The following CTNNBL1 variants were observed in gnomAD, a reference collection of about 807,000 sequenced individuals.
CTNNBL1 encodes the protein beta-catenin-like protein 1.
In CTNNBL1, 31 loss-of-function variants were observed where a neutral mutation model predicts 72.7. The observed-to-expected ratio is 0.43, with a 90% confidence interval of 0.32 to 0.58. The LOEUF (loss-of-function observed/expected upper bound fraction) is 0.58. CTNNBL1 is among the 20% of genes least tolerant of loss of function. The pLI is 0.08. For synonymous variants in CTNNBL1, 240 were observed against 267.3 expected (o/e 0.90, Z 1.00); for missense variants, 534 against 725.1 (o/e 0.74, Z 3.03).
At position 37,694,118 on chromosome 20, in the gene CTNNBL1, G is replaced by C; in HGVS notation, c.-5G>C. On this transcript the variant is annotated 5_prime_UTR_variant, in exon 1 of 16. Transcript: ENST00000361383. ...GGAAGTGGAGTATTTGCTGGGCCGGGTACCATGGACGTGGGCGAACTTCTG... is the reference window on the plus strand; with the variant it reads ...GGAAGTGGAGTATTTGCTGGGCCGGCTACCATGGACGTGGGCGAACTTCTG... 6.2e-7 allele frequency: 1 copy of C among 1,604,202 alleles called. No individual in the cohort carries two copies. Among genetic ancestry groups the C allele is most frequent in the Non-Finnish European group, 8.5e-7 (1 of 1,175,942 alleles).
chr20:37,828,192 G>C (rs148901803), intron 11 of CTNNBL1, among the ~76,000 whole-genome samples: 1 of 152,106 alleles, frequency 6.6e-6, no homozygotes, highest in Non-Finnish European at 1.5e-5. Context: ...ACTGAGACGC[G>C]GGCCTGGCCT....
intron 11 of CTNNBL1, among the ~76,000 whole-genome samples, chr20:37,809,612 A>G (rs1568790929): frequency 6.6e-6 from 1 of 152,160 alleles, no homozygotes; most frequent in Non-Finnish European, 1.5e-5. Context: ...TGCCATTGTT[A>G]TTTGTTGTCC....
At chr20:37,819,063 G>A (rs1254799208) in intron 11 of CTNNBL1, among the ~76,000 whole-genome samples, 2 of 152,128 alleles carry the variant, frequency 1.3e-5, no homozygotes, top group Admixed American at 1.3e-4. Context: ...GGTATAAATT[G>A]TGTAGGGGCT....
intron 4 of CTNNBL1, among the ~76,000 whole-genome samples, chr20:37,749,541 G>GT (rs960129249): frequency 1.5e-4 from 22 of 148,606 alleles, no homozygotes; most frequent in South Asian, 6.4e-4. Flanking sequence ...GAGCTAAACT[G>GT]TTTTTTTTTT....
chr20:37,801,708 AC>A (rs2073824854), intron 10 of CTNNBL1, among the ~76,000 whole-genome samples: 1 of 152,224 alleles, frequency 6.6e-6, no homozygotes, highest in Non-Finnish European at 1.5e-5. Context: ...AACTTCTTCA[AC>A]CATTGATAAA....
rs2073604672 is a variant in CTNNBL1, at chr20:37,779,285, T to C, written c.981T>C (p.Arg327=). Reference sequence around the variant, plus strand: ...CCTGTCTAATGCTTAGTTCCAATCGTGAGCGCTTCCTGAAGGGCGAGGGTC... The same window carrying C: ...CCTGTCTAATGCTTAGTTCCAATCGCGAGCGCTTCCTGAAGGGCGAGGGTC... ...LCSCLMLSSN[R]ERFLKGEGLQ... The change falls in exon 10 of 16, where the codon CGT becomes CGC. Residue 327 remains arginine (R), a synonymous_variant. Coordinates refer to ENST00000361383, the MANE Select transcript of CTNNBL1 (RefSeq NM_030877.5). 1 of 1,613,724 alleles carries C rather than the reference T, an allele frequency of 6.2e-7. No individual in the cohort carries two copies. The highest frequency in any genetic ancestry group is 1.1e-5 in the South Asian group (1 of 91,070).
At chr20:37,825,365 T>C (rs1333357171) in intron 11 of CTNNBL1, among the ~76,000 whole-genome samples, 1 of 54,358 alleles carries the variant, frequency 1.8e-5, no homozygotes, top group East Asian at 6.5e-4. Context: ...AAAATAAAAA[T>C]AAGAAATAAA....
chr20:37,869,437 A>C (rs2072564295), intron 15 of CTNNBL1, among the ~76,000 whole-genome samples: 1 of 152,256 alleles, frequency 6.6e-6, no homozygotes, highest in Non-Finnish European at 1.5e-5. Flanking sequence ...ACCAGGGGGC[A>C]GAAGTGCAGG....
intron 11 of CTNNBL1, among the ~76,000 whole-genome samples, chr20:37,817,152 G>GCC (rs1353099721): frequency 6.6e-6 from 1 of 152,128 alleles, no homozygotes; most frequent in African/African-American, 2.4e-5. Context: ...GTCTGCTAGG[G>GCC]CCCCCCAAAG....
intron 4 of CTNNBL1, among the ~76,000 whole-genome samples, chr20:37,746,920 C>T (rs1234573745): frequency 1.3e-5 from 2 of 152,206 alleles, no homozygotes; most frequent in East Asian, 3.8e-4. Flanking sequence ...TTGGAAGGCC[C>T]CTTATGGGGG....
intron 12 of CTNNBL1, among the ~76,000 whole-genome samples, chr20:37,840,620 C>T (rs115384869): frequency 0.013 from 1,960 of 152,342 alleles, 45 homozygotes; most frequent in African/African-American, 0.045. Flanking sequence ...GACATCAATA[C>T]TCATCTTGAA....
At chr20:37,739,247 G>A (rs2122610114) in intron 3 of CTNNBL1, among the ~76,000 whole-genome samples, 2 of 152,200 alleles carry the variant, frequency 1.3e-5, no homozygotes, top group Middle Eastern at 6.8e-3. Context: ...GGAACCTTGT[G>A]AACAGTTAAT....
chr20:37,735,226 C>T (rs1568756558), intron 2 of CTNNBL1, among the ~76,000 whole-genome samples: 1 of 152,092 alleles, frequency 6.6e-6, no homozygotes, highest in Non-Finnish European at 1.5e-5. Context: ...CTCCCCTCCC[C>T]TCCTCCCTTC....
At chr20:37,748,301 A>G (rs545456683) in intron 4 of CTNNBL1, among the ~76,000 whole-genome samples, 2 of 152,320 alleles carry the variant, frequency 1.3e-5, no homozygotes, top group Middle Eastern at 6.8e-3. Context: ...GACATTTCTG[A>G]TGCTTCATGT....
At chr20:37,821,831 G>A (rs1239592986) in intron 11 of CTNNBL1, among the ~76,000 whole-genome samples, 1 of 152,084 alleles carries the variant, frequency 6.6e-6, no homozygotes, top group Non-Finnish European at 1.5e-5. Flanking sequence ...CAGCATCCTT[G>A]GCCTCTTGCC....
chr20:37,794,549 G>A (rs1001698439), intron 10 of CTNNBL1, among the ~76,000 whole-genome samples: 1 of 152,172 alleles, frequency 6.6e-6, no homozygotes, highest in Non-Finnish European at 1.5e-5. Flanking sequence ...CTGGAGTGCA[G>A]TGGTGCGATC....
At chr20:37,840,885 A>G (rs183861417) in intron 12 of CTNNBL1, among the ~76,000 whole-genome samples, 1 of 152,208 alleles carries the variant, frequency 6.6e-6, no homozygotes, top group East Asian at 1.9e-4. Flanking sequence ...GAACACAATT[A>G]CATGAGATTA....
chr20:37,747,904 T>C (rs1049119970), intron 4 of CTNNBL1, among the ~76,000 whole-genome samples: 4 of 152,242 alleles, frequency 2.6e-5, no homozygotes, highest in Admixed American at 2.0e-4. Context: ...TCTTGATACA[T>C]AGTAGGTACT....
At chr20:37,825,760 C>A (rs754352562) in intron 11 of CTNNBL1, among the ~76,000 whole-genome samples, 5 of 152,182 alleles carry the variant, frequency 3.3e-5, no homozygotes, top group Non-Finnish European at 7.3e-5. Flanking sequence ...TATAGAGCAT[C>A]CCTCTTGGGC....
Sources: allele counts gnomAD v4.1 joint callset (sites outside exome capture counted in the v4.1 genomes callset), GRCh38; gene constraint gnomAD v4.1.1; transcripts MANE v1.5; gene names NCBI Gene and HGNC (gene_info 2026-07-23, HGNC 2026-07-21).